Variants in CDH12 observed in about 807,000 individuals in gnomAD.
CDH12 encodes the protein cadherin 12.
In CDH12, 41 loss-of-function variants were observed where a neutral mutation model predicts 74.1. The ratio of observed to expected loss-of-function variants is 0.55; its 90% CI spans 0.43 to 0.72. CDH12 has a LOEUF of 0.72. Ranked by LOEUF, CDH12 falls within the 30% of genes least tolerant of loss-of-function variation. The pLI is 0.00. For synonymous variants in CDH12, 399 were observed against 355.0 expected, an observed-to-expected ratio of 1.12 and a Z score of -1.39; for missense variants, 945 against 977.2, an observed-to-expected ratio of 0.97 and a Z score of 0.44.
intron 3 of CDH12, among the ~76,000 whole-genome samples, chr5:22,365,094 C>T (rs1029280511): frequency 6.6e-6 from 1 of 152,188 alleles, no homozygotes; most frequent in African/African-American, 2.4e-5. Context: ...TTTTATATCA[C>T]ACTGAGAATT....
intron 1 of CDH12, among the ~76,000 whole-genome samples, chr5:22,797,382 G>A (rs59827255): frequency 0.049 from 7,395 of 152,078 alleles, 308 homozygotes; most frequent in East Asian, 0.17. Flanking sequence ...GTAGTCCATG[G>A]CATTCTGTTA....
chr5:22,294,071 T>C (rs1418763178), intron 3 of CDH12, among the ~76,000 whole-genome samples: 2 of 152,072 alleles, frequency 1.3e-5, no homozygotes, highest in African/African-American at 2.4e-5. Context: ...CAGGACAGTA[T>C]ATTGTACATG....
At chr5:22,621,136 T>C (rs1282615089) in intron 1 of CDH12, among the ~76,000 whole-genome samples, 1 of 152,206 alleles carries the variant, frequency 6.6e-6, no homozygotes, top group Non-Finnish European at 1.5e-5. Flanking sequence ...CTAGCCTCTT[T>C]GTTCATCTTC....
intron 3 of CDH12, among the ~76,000 whole-genome samples, chr5:22,255,904 A>AG (rs1335821977): frequency 6.6e-6 from 1 of 152,092 alleles, no homozygotes; most frequent in Non-Finnish European, 1.5e-5. Flanking sequence ...AAAAGTAAAT[A>AG]GGTAACCGAG....
chr5:22,476,752 G>A (rs1746187078), intron 2 of CDH12, among the ~76,000 whole-genome samples: 1 of 152,070 alleles, frequency 6.6e-6, no homozygotes. Context: ...TACCAAAATT[G>A]TATACAGTAT....
intron 4 of CDH12, among the ~76,000 whole-genome samples, chr5:22,193,606 T>C (rs1248533627): frequency 1.3e-5 from 2 of 152,148 alleles, no homozygotes; most frequent in Non-Finnish European, 2.9e-5. Context: ...TAGTTCATTT[T>C]TTATTCTGGC....
At chr5:22,808,760 TG>T (rs1234259722) in intron 1 of CDH12, among the ~76,000 whole-genome samples, 8 of 110,958 alleles carry the variant, frequency 7.2e-5, no homozygotes, top group Admixed American at 3.3e-4. Flanking sequence ...CCACCACACC[TG>T]GTTTTTTTTT....
chr5:22,198,069 T>G (rs1247674852), intron 4 of CDH12, among the ~76,000 whole-genome samples: 1 of 151,876 alleles, frequency 6.6e-6, no homozygotes, highest in East Asian at 1.9e-4. Flanking sequence ...AAAAGATAAT[T>G]TACTTATAAT....
intron 1 of CDH12, among the ~76,000 whole-genome samples, chr5:22,596,513 T>C (rs779383868): frequency 1.3e-5 from 2 of 152,104 alleles, no homozygotes. Flanking sequence ...AAAGTTAGGA[T>C]GTGAATGAGC....
intron 11 of CDH12, chr5:21,779,356 C>T (rs764928371): frequency 8.5e-5 from 13 of 152,110 alleles, no homozygotes; most frequent in Non-Finnish European, 1.3e-4. Context: ...GCAAGCCATC[C>T]TGTCTGGCTA....
At chr5:22,710,337 AC>A (rs2126972958) in intron 1 of CDH12, among the ~76,000 whole-genome samples, 2 of 152,324 alleles carry the variant, frequency 1.3e-5, no homozygotes, top group South Asian at 4.1e-4. Flanking sequence ...GTTGGCTAAA[AC>A]AAAATTTCAT....
chr5:22,401,652 G>C (rs1742734129), intron 3 of CDH12, among the ~76,000 whole-genome samples: 1 of 152,106 alleles, frequency 6.6e-6, no homozygotes, highest in Non-Finnish European at 1.5e-5. Context: ...AATGTATAGA[G>C]TTGAATACTG....
At chr5:22,108,115 G>T (rs2150257237) in intron 4 of CDH12, among the ~76,000 whole-genome samples, 1 of 152,264 alleles carries the variant, frequency 6.6e-6, no homozygotes, top group Middle Eastern at 3.4e-3. Flanking sequence ...CATGTGTCAA[G>T]AGCAGGGCCA....
At position 22,599,323 on chromosome 5, in the gene CDH12, TA is replaced by T. The variant is rs199629395; in HGVS notation, c.-522-93960del. On this transcript the variant is annotated intron_variant, in intron 1 of 14. Transcript: ENST00000382254. ...ATTCGGGAATAGGCAACACTGGTAG[TA>T]AAAAATACCAAAGTGACTACTTGAG... 1.8e-4 allele frequency among the ~76,000 whole-genome samples: 28 copies of T among 152,156 alleles called. 2 individuals are homozygous for T. In the South Asian group the frequency reaches 5.6e-3, roughly 30 times the overall value.
chr5:22,425,894 A>G (rs1743911258), intron 2 of CDH12, among the ~76,000 whole-genome samples: 3 of 152,146 alleles, frequency 2.0e-5, no homozygotes, highest in Non-Finnish European at 4.4e-5. Flanking sequence ...CAAACATTCT[A>G]GAAAATCTCA....
At chr5:22,722,628 G>A (rs538546172) in intron 1 of CDH12, among the ~76,000 whole-genome samples, 1 of 152,256 alleles carries the variant, frequency 6.6e-6, no homozygotes, top group African/African-American at 2.4e-5. Context: ...GTCAAATTAG[G>A]TAAAATAAAT....
chr5:22,603,476 C>G (rs372042604), intron 1 of CDH12, among the ~76,000 whole-genome samples: 1 of 152,046 alleles, frequency 6.6e-6, no homozygotes, highest in Non-Finnish European at 1.5e-5. Context: ...TGTACACACA[C>G]GTAGCTGAAG....
intron 6 of CDH12, among the ~76,000 whole-genome samples, chr5:21,927,062 C>A (rs916322256): frequency 6.6e-6 from 1 of 152,170 alleles, no homozygotes; most frequent in Admixed American, 6.5e-5. Context: ...TCATAGCAAA[C>A]AAGTCAGCAT....
At chr5:22,262,648 G>A (rs1053348568) in intron 3 of CDH12, among the ~76,000 whole-genome samples, 17 of 150,948 alleles carry the variant, frequency 1.1e-4, no homozygotes, top group African/African-American at 4.1e-4. Context: ...GGATGGCTGG[G>A]TCAAATGGTA....
Sources: gnomAD v4.1 joint callset for allele counts (sites outside exome capture counted in the v4.1 genomes callset) on GRCh38, gnomAD v4.1.1 for gene constraint, MANE v1.5 for transcripts, NCBI Gene and HGNC (gene_info 2026-07-23, HGNC 2026-07-21) for gene names.